Variants in CTNND2 observed in about 807,000 individuals in gnomAD.
CTNND2 encodes catenin delta-2.
CTNND2 carries 22 observed loss-of-function variants against 144.4 expected under a neutral mutation model. That is an observed-to-expected ratio of 0.15 (90% CI 0.11 to 0.22). The LOEUF (loss-of-function observed/expected upper bound fraction) is 0.22, where lower values mean the gene tolerates loss of function less well. Among genes scored for constraint, CTNND2 ranks in the 10% least tolerant of loss-of-function variants. CTNND2 has a pLI of 1.00. For missense variants in CTNND2, 1,353 were observed against 1,618.8 expected (o/e 0.84, Z 2.82); for synonymous variants, 751 against 695.6 (o/e 1.08, Z -1.25).
At chr5:11,452,821 A>G (rs1266762049) in intron 3 of CTNND2, among the ~76,000 whole-genome samples, 2 of 152,224 alleles carry the variant, frequency 1.3e-5, no homozygotes, top group African/African-American at 4.8e-5. Context: ...TGAAATACAC[A>G]TAATATGTGC....
intron 18 of CTNND2, among the ~76,000 whole-genome samples, chr5:11,007,876 A>C (rs1384500308): frequency 1.3e-5 from 2 of 152,240 alleles, no homozygotes; most frequent in African/African-American, 4.8e-5. Context: ...CCGTGTAATG[A>C]AACTCGGCTT....
intron 1 of CTNND2, among the ~76,000 whole-genome samples, chr5:11,788,282 T>A (rs1487650436): frequency 6.6e-6 from 1 of 150,866 alleles, no homozygotes; most frequent in Non-Finnish European, 1.5e-5. Context: ...GTCTAATAAC[T>A]TCTTGCACAA....
At chr5:11,786,936 C>G (rs1375607328) in intron 1 of CTNND2, among the ~76,000 whole-genome samples, 1 of 152,214 alleles carries the variant, frequency 6.6e-6, no homozygotes, top group African/African-American at 2.4e-5. Flanking sequence ...GAGGAAGGGA[C>G]TCTGCCTTCC....
chr5:11,638,090 A>G (rs900109297), intron 2 of CTNND2, among the ~76,000 whole-genome samples: 6 of 152,274 alleles, frequency 3.9e-5, no homozygotes, highest in Admixed American at 2.6e-4. Context: ...AGTACTTTAA[A>G]TTAGTCACAC....
chr5:11,304,318 CCACACA>C (rs111918321), intron 9 of CTNND2, among the ~76,000 whole-genome samples: 4 of 148,300 alleles, frequency 2.7e-5, no homozygotes, highest in African/African-American at 4.9e-5. Flanking sequence ...CACGGACACA[CCACACA>C]CACACACACA....
At chr5:11,140,202 T>G (rs1203510010) in intron 12 of CTNND2, among the ~76,000 whole-genome samples, 2 of 152,168 alleles carry the variant, frequency 1.3e-5, no homozygotes, top group Admixed American at 1.3e-4. Flanking sequence ...GACTATTTTT[T>G]CATTACAGTT....
intron 2 of CTNND2, among the ~76,000 whole-genome samples, chr5:11,687,132 T>A (rs997263502): frequency 1.3e-5 from 2 of 152,130 alleles, no homozygotes; most frequent in Non-Finnish European, 2.9e-5. Flanking sequence ...TCCAATAACC[T>A]CCAAACTGGC....
intron 1 of CTNND2, among the ~76,000 whole-genome samples, chr5:11,787,113 C>G (rs1790877134): frequency 6.6e-6 from 1 of 152,136 alleles, no homozygotes; most frequent in African/African-American, 2.4e-5. Flanking sequence ...CGATAGTGGA[C>G]AAGTTATTAA....
At chr5:11,561,553 T>C (rs1776684342) in intron 3 of CTNND2, among the ~76,000 whole-genome samples, 1 of 152,206 alleles carries the variant, frequency 6.6e-6, no homozygotes, top group Non-Finnish European at 1.5e-5. Flanking sequence ...ATGTTCCCAT[T>C]TGCAGGGAGT....
chr5:11,470,579 GTTTA>G (rs1767095470), intron 3 of CTNND2, among the ~76,000 whole-genome samples: 2 of 152,050 alleles, frequency 1.3e-5, no homozygotes, highest in Admixed American at 1.3e-4. Context: ...AAAGTCCTTG[GTTTA>G]TTTAGATTTC....
intron 3 of CTNND2, among the ~76,000 whole-genome samples, chr5:11,443,249 TGTGC>T (rs1764459272): frequency 7.5e-6 from 1 of 132,706 alleles, no homozygotes; most frequent in African/African-American, 3.1e-5. Context: ...TGTGTGTGTG[TGTGC>T]TGTGTGTGGT....
chr5:11,087,407 A>G (rs1750284630), intron 15 of CTNND2, among the ~76,000 whole-genome samples: 1 of 152,248 alleles, frequency 6.6e-6, no homozygotes, highest in Non-Finnish European at 1.5e-5. Context: ...TATTCTGTCT[A>G]GAATGGATTA....
intron 9 of CTNND2, among the ~76,000 whole-genome samples, chr5:11,301,883 G>A (rs917882116): frequency 1.3e-5 from 2 of 152,090 alleles, no homozygotes; most frequent in Admixed American, 1.3e-4. Flanking sequence ...TGATGGAAAT[G>A]ACATTTTTCC....
chr5:11,301,962 G>C (rs1749656113), intron 9 of CTNND2, among the ~76,000 whole-genome samples: 1 of 152,168 alleles, frequency 6.6e-6, no homozygotes, highest in Non-Finnish European at 1.5e-5. Flanking sequence ...TTGAGGAAGA[G>C]GGAGTGGGTA....
intron 20 of CTNND2, among the ~76,000 whole-genome samples, chr5:10,983,828 C>A (rs1737597363): frequency 6.6e-6 from 1 of 152,164 alleles, no homozygotes; most frequent in South Asian, 2.1e-4. Flanking sequence ...AGACGGCTCT[C>A]CACTATGGCC....
At chr5:11,558,353 T>TGTGG (rs1776399926) in intron 3 of CTNND2, among the ~76,000 whole-genome samples, 1 of 100,758 alleles carries the variant, frequency 9.9e-6, no homozygotes, top group Non-Finnish European at 2.2e-5. Context: ...TGTGTGTGTG[T>TGTGG]GTGTGTGTGT....
intron 10 of CTNND2, among the ~76,000 whole-genome samples, chr5:11,200,463 T>A (rs1271970705): frequency 6.6e-6 from 1 of 152,224 alleles, no homozygotes; most frequent in African/African-American, 2.4e-5. Flanking sequence ...TTAGCAAAGC[T>A]GCATCTGAAA....
At chr5:11,111,314 T>C (rs1248750575) in intron 13 of CTNND2, among the ~76,000 whole-genome samples, 1 of 152,150 alleles carries the variant, frequency 6.6e-6, no homozygotes, top group Non-Finnish European at 1.5e-5. Flanking sequence ...AATTCACTTG[T>C]GAGAAGGGAA....
At chr5:11,737,020 TCTAC>T (rs1374625759) in intron 1 of CTNND2, among the ~76,000 whole-genome samples, 2 of 147,606 alleles carry the variant, frequency 1.4e-5, no homozygotes, top group Non-Finnish European at 3.0e-5. Context: ...TTGAAAGTTA[TCTAC>T]CTGTCTTTTA....
Sources: gnomAD v4.1 joint callset for allele counts (sites outside exome capture counted in the v4.1 genomes callset) on GRCh38, gnomAD v4.1.1 for gene constraint, MANE v1.5 for transcripts, NCBI Gene and HGNC (gene_info 2026-07-23, HGNC 2026-07-21) for gene names.